The following SNTG2 variants were observed in gnomAD, a reference collection of about 807,000 sequenced individuals.
SNTG2 encodes gamma-2-syntrophin.
A neutral mutation model predicts 70.9 loss-of-function variants in SNTG2; 74 were observed. The ratio of observed to expected loss-of-function variants is 1.04; its 90% CI spans 0.86 to 1.27. SNTG2 has a LOEUF of 1.27. Ranked by LOEUF, SNTG2 falls within the 50% of genes most tolerant of loss-of-function variation. SNTG2 has a pLI of 0.00. For missense variants in SNTG2, 717 were observed against 690.7 expected, an observed-to-expected ratio of 1.04 and a Z score of -0.43; for synonymous variants, 278 against 273.8, an observed-to-expected ratio of 1.02 and a Z score of -0.15.
chr2:1,053,440 G>T (rs987913293), intron 1 of SNTG2, among the ~76,000 whole-genome samples: 1 of 151,804 alleles, frequency 6.6e-6, no homozygotes, highest in African/African-American at 2.4e-5. Context: ...GATGTGTTCT[G>T]GTGTTGACTG....
At chr2:1,048,574 C>G (rs900191734) in intron 1 of SNTG2, among the ~76,000 whole-genome samples, 1 of 152,070 alleles carries the variant, frequency 6.6e-6, no homozygotes, top group Non-Finnish European at 1.5e-5. Context: ...CTCTGTACTA[C>G]TTGTTGCTGG....
At chr2:1,056,351 G>C (rs1415528494) in intron 1 of SNTG2, among the ~76,000 whole-genome samples, 1 of 70,586 alleles carries the variant, frequency 1.4e-5, no homozygotes, top group Non-Finnish European at 3.1e-5. Flanking sequence ...AGAGGGCGGC[G>C]CCCCGCTGTG....
chr2:1,319,569 TGACCCGAG>T (rs1342389242), intron 16 of SNTG2, among the ~76,000 whole-genome samples: 1 of 152,172 alleles, frequency 6.6e-6, no homozygotes, highest in Non-Finnish European at 1.5e-5. Flanking sequence ...ACAAGAGCAG[TGACCCGAG>T]GGCCCTGGGC....
intron 6 of SNTG2, among the ~76,000 whole-genome samples, chr2:1,155,870 TG>T (rs1357543618): frequency 6.6e-6 from 1 of 151,994 alleles, no homozygotes. Flanking sequence ...GTAGGGGTGA[TG>T]GCCACACAGA....
intron 8 of SNTG2, among the ~76,000 whole-genome samples, chr2:1,196,432 G>C (rs1350373891): frequency 1.3e-5 from 2 of 152,106 alleles, no homozygotes; most frequent in African/African-American, 4.8e-5. Flanking sequence ...GGGAAGAGAT[G>C]AGCAAAGGCA....
chr2:1,020,066 C>T (rs558928296), intron 1 of SNTG2, among the ~76,000 whole-genome samples: 1 of 152,248 alleles, frequency 6.6e-6, no homozygotes, highest in Non-Finnish European at 1.5e-5. Flanking sequence ...AAGAACAACA[C>T]AGAAACACTA....
intron 9 of SNTG2, among the ~76,000 whole-genome samples, chr2:1,220,565 C>G (rs1226980184): frequency 6.6e-6 from 1 of 152,260 alleles, no homozygotes; most frequent in Non-Finnish European, 1.5e-5. Context: ...GCCCTGCTGG[C>G]TGCTAGCAGG....
intron 1 of SNTG2, among the ~76,000 whole-genome samples, chr2:1,032,563 C>G (rs1660899554): frequency 6.6e-6 from 1 of 152,136 alleles, no homozygotes; most frequent in Admixed American, 6.5e-5. Flanking sequence ...ATAAGATATC[C>G]TTTATGCCCA....
chr2:1,366,233 C>T (rs1661474061), intron 16 of SNTG2, among the ~76,000 whole-genome samples: 1 of 152,126 alleles, frequency 6.6e-6, no homozygotes, highest in African/African-American at 2.4e-5. Flanking sequence ...AGAAGAAAGA[C>T]AACATTAGAA....
chr2:1,214,640 G>T (rs954263378), intron 9 of SNTG2, among the ~76,000 whole-genome samples: 2 of 151,862 alleles, frequency 1.3e-5, no homozygotes, highest in African/African-American at 4.8e-5. Context: ...CAGTTTTTTT[G>T]AGTCTTTAGA....
At chr2:1,212,888 G>A (rs1674137623) in intron 9 of SNTG2, among the ~76,000 whole-genome samples, 1 of 152,196 alleles carries the variant, frequency 6.6e-6, no homozygotes, top group East Asian at 1.9e-4. Context: ...TTTAGAAATT[G>A]TCAATTCTAA....
At chr2:998,059 A>G (rs1661750624) in intron 1 of SNTG2, among the ~76,000 whole-genome samples, 1 of 152,248 alleles carries the variant, frequency 6.6e-6, no homozygotes, top group African/African-American at 2.4e-5. Context: ...TCTATAGCCA[A>G]GGAGTTCACG....
rs550071419 is a variant in SNTG2, at chr2:1,267,722, C to T, written c.1284+151C>T. Among the ~76,000 whole-genome samples the T allele has an allele frequency of 4.0e-5, 6 of 150,884 alleles. No homozygotes were observed. In the South Asian group the frequency reaches 8.5e-4, roughly 21 times the overall value. ...GAGCTACTGTGTGGAAATGATCGTT[C>T]GCACGGAGTCATGCGCTCCGTGGAT... On this transcript the variant is annotated intron_variant, in intron 14 of 16. Coordinates refer to ENST00000308624, the MANE Select transcript of SNTG2 (RefSeq NM_018968.4).
At position 1,281,929 on chromosome 2, in the gene SNTG2, A is replaced by T. The variant is rs115541045; in HGVS notation, c.1284+14358A>T. Among the ~76,000 whole-genome samples the T allele has an allele frequency of 6.9e-3, 1,049 of 152,202 alleles. 14 individuals carry two copies. Among genetic ancestry groups the T allele is most frequent in the African/African-American group, 0.024 (978 of 41,528 alleles). ...TCTCCTCAAGCCCGGGAGGAGGTGGATGGGCTCACGGCCGAGCCTTGTGAC... is the reference window on the plus strand; with the variant it reads ...TCTCCTCAAGCCCGGGAGGAGGTGGTTGGGCTCACGGCCGAGCCTTGTGAC... On this transcript the variant is annotated intron_variant, in intron 14 of 16. Coordinates refer to ENST00000308624, the MANE Select transcript of SNTG2 (RefSeq NM_018968.4).
chr2:1,037,298 A>G (rs1661187004), intron 1 of SNTG2, among the ~76,000 whole-genome samples: 1 of 152,002 alleles, frequency 6.6e-6, no homozygotes, highest in African/African-American at 2.4e-5. Context: ...TCCTCACCCC[A>G]TGCCTCCCTG....
chr2:1,203,319 G>A (rs4561697), intron 8 of SNTG2, among the ~76,000 whole-genome samples: 49,298 of 151,898 alleles, frequency 0.32, 8,545 homozygotes, highest in East Asian at 0.65. Context: ...TGTGAAACTG[G>A]GATAACACTG....
chr2:1,057,360 T>C (rs1408824588), intron 1 of SNTG2, among the ~76,000 whole-genome samples: 1 of 151,976 alleles, frequency 6.6e-6, no homozygotes, highest in African/African-American at 2.4e-5. Flanking sequence ...GGGACAGAAT[T>C]AATAGGATAG....
At chr2:1,073,526 T>G (rs893922203) in intron 1 of SNTG2, among the ~76,000 whole-genome samples, 1 of 152,222 alleles carries the variant, frequency 6.6e-6, no homozygotes, top group Non-Finnish European at 1.5e-5. Flanking sequence ...ACTGTAAACA[T>G]AACTTTTATA....
intron 4 of SNTG2, among the ~76,000 whole-genome samples, chr2:1,136,901 C>T (rs887975688): frequency 6.6e-6 from 1 of 152,174 alleles, no homozygotes; most frequent in Non-Finnish European, 1.5e-5. Context: ...AGAGCCGTCT[C>T]TGTACGTTTG....
Sources: gnomAD v4.1 joint callset for allele counts (sites outside exome capture counted in the v4.1 genomes callset) on GRCh38, gnomAD v4.1.1 for gene constraint, MANE v1.5 for transcripts, NCBI Gene and HGNC (gene_info 2026-07-23, HGNC 2026-07-21) for gene names.